Variants in RORA observed in about 807,000 individuals in gnomAD.
RORA encodes the protein RAR related orphan receptor A, also known as nuclear receptor ROR-alpha.
Under a neutral mutation model 69.5 loss-of-function variants are expected in RORA, and 7 were observed. That is an observed-to-expected ratio of 0.10 (90% CI 0.06 to 0.19). The LOEUF (loss-of-function observed/expected upper bound fraction) is 0.19, where lower values mean the gene tolerates loss of function less well. RORA is among the 10% of genes least tolerant of loss of function. The probability of loss-of-function intolerance (pLI) is 1.00; values close to 1 mark genes in which losing one functional copy is unlikely to be tolerated. For missense variants in RORA, 457 were observed against 663.0 expected (o/e 0.69, Z 3.41); for synonymous variants, 261 against 240.8 (o/e 1.08, Z -0.78).
chr15:60,771,683 A>C (rs62002748), intron 1 of RORA, among the ~76,000 whole-genome samples: 57,620 of 152,158 alleles, frequency 0.38, 13,087 homozygotes, highest in Non-Finnish European at 0.5. Flanking sequence ...ACTTCATCAT[A>C]TACCTCATTA....
chr15:60,657,597 C>T (rs534665721), intron 2 of RORA, among the ~76,000 whole-genome samples: 17 of 152,326 alleles, frequency 1.1e-4, no homozygotes, highest in African/African-American at 4.1e-4. Flanking sequence ...TTAGAATCTC[C>T]TCCTTGGGAG....
chr15:61,204,981 T>A (rs1160764057), intron 1 of RORA, among the ~76,000 whole-genome samples: 4 of 152,230 alleles, frequency 2.6e-5, no homozygotes, highest in Admixed American at 2.6e-4. Flanking sequence ...AACTTCAATG[T>A]GCTGGTCGGC....
intron 1 of RORA, among the ~76,000 whole-genome samples, chr15:60,820,798 G>A (rs989626575): frequency 7.2e-5 from 11 of 152,166 alleles, no homozygotes; most frequent in Admixed American, 2.6e-4. Context: ...AGGTTCCCTT[G>A]ACTATATAGT....
intron 1 of RORA, among the ~76,000 whole-genome samples, chr15:60,732,759 G>A (rs1595668569): frequency 6.6e-6 from 1 of 151,756 alleles, no homozygotes; most frequent in Non-Finnish European, 1.5e-5. Context: ...ACCCTGACAC[G>A]TGAACAGTTA....
At chr15:60,894,417 G>A (rs924153708) in intron 1 of RORA, among the ~76,000 whole-genome samples, 5 of 152,184 alleles carry the variant, frequency 3.3e-5, no homozygotes, top group African/African-American at 1.2e-4. Context: ...AAAAAAATTA[G>A]TGAACACAGT....
chr15:61,052,187 C>A (rs754838036), intron 1 of RORA, among the ~76,000 whole-genome samples: 1 of 152,218 alleles, frequency 6.6e-6, no homozygotes, highest in Non-Finnish European at 1.5e-5. Flanking sequence ...TCAGTGTTTT[C>A]ATTTAATAGG....
chr15:60,716,276 A>G (rs568753404), intron 1 of RORA, among the ~76,000 whole-genome samples: 1 of 152,270 alleles, frequency 6.6e-6, no homozygotes, highest in African/African-American at 2.4e-5. Flanking sequence ...AGGATGGTAG[A>G]CTTCTGTGAG....
intron 1 of RORA, among the ~76,000 whole-genome samples, chr15:61,072,996 G>A (rs1254256378): frequency 1.3e-5 from 2 of 152,222 alleles, no homozygotes; most frequent in African/African-American, 4.8e-5. Context: ...GTAGACCTAA[G>A]GTAGTTTTGC....
intron 1 of RORA, among the ~76,000 whole-genome samples, chr15:61,163,769 G>A (rs928966088): frequency 2.0e-5 from 3 of 152,070 alleles, no homozygotes; most frequent in East Asian, 1.9e-4. Flanking sequence ...CACACAGCTC[G>A]CACACAATCA....
chr15:60,642,090 T>A (rs1314677673), intron 2 of RORA, among the ~76,000 whole-genome samples: 1 of 152,196 alleles, frequency 6.6e-6, no homozygotes, highest in Non-Finnish European at 1.5e-5. Context: ...GAGCTCGGGC[T>A]GTGTGAATAG....
chr15:60,659,338 C>A (rs887411152), intron 2 of RORA, among the ~76,000 whole-genome samples: 6 of 152,148 alleles, frequency 3.9e-5, no homozygotes, highest in African/African-American at 1.4e-4. Flanking sequence ...TTGAACAAGA[C>A]ACATTACACT....
chr15:61,126,405 G>T (rs1452313089), intron 1 of RORA, among the ~76,000 whole-genome samples: 1 of 152,090 alleles, frequency 6.6e-6, no homozygotes, highest in Non-Finnish European at 1.5e-5. Flanking sequence ...CAATTTTCAA[G>T]TTTATAATAA....
intron 1 of RORA, among the ~76,000 whole-genome samples, chr15:61,026,401 C>T (rs902005210): frequency 1.3e-5 from 2 of 152,164 alleles, no homozygotes; most frequent in African/African-American, 4.8e-5. Flanking sequence ...AAAATTACAA[C>T]GGTAGCCATT....
intron 1 of RORA, among the ~76,000 whole-genome samples, chr15:60,947,909 T>C (rs1278302314): frequency 6.6e-6 from 1 of 152,076 alleles, no homozygotes; most frequent in Non-Finnish European, 1.5e-5. Flanking sequence ...CAGCTATTTG[T>C]GGGCATCAGA....
chr15:60,635,262 A>G (rs1426343167), intron 2 of RORA, among the ~76,000 whole-genome samples: 1 of 152,224 alleles, frequency 6.6e-6, no homozygotes, highest in East Asian at 1.9e-4. Flanking sequence ...GTGCTGTTTT[A>G]ACTTATTCTT....
chr15:60,838,873 C>T (rs1462468107), intron 1 of RORA, among the ~76,000 whole-genome samples: 1 of 78,114 alleles, frequency 1.3e-5, no homozygotes, highest in Non-Finnish European at 3.3e-5. Flanking sequence ...CACACACACA[C>T]ACACACACAC....
chr15:60,947,112 G>A (rs1012326958), intron 1 of RORA, among the ~76,000 whole-genome samples: 3 of 148,624 alleles, frequency 2.0e-5, no homozygotes, highest in Non-Finnish European at 3.0e-5. Context: ...GAGGGAGGTG[G>A]GGGGGTCAGC....
At position 61,147,766 on chromosome 15, in the gene RORA, CGTGTGTGTGTGTGT is replaced by C. The variant is rs10523030; in HGVS notation, c.166+81273_166+81286del. Among the ~76,000 whole-genome samples the C allele has an allele frequency of 2.7e-5, 4 of 147,702 alleles. No individual in the cohort carries two copies. Among genetic ancestry groups the C allele is most frequent in the Admixed American group, 6.7e-5 (1 of 14,934 alleles). ...TGGTCAGTAGGCACGTGCGCACACG[CGTGTGTGTGTGTGT>C]GTGTGTGTGTGTGTGAAATCTTTAG... On this transcript the variant is annotated intron_variant, in intron 1 of 10. Transcript: ENST00000335670. The surrounding 1 kb of genome is among the most constrained non-coding windows in gnomAD (Gnocchi z 4.1).
At chr15:60,696,428 T>C (rs1475489486) in intron 1 of RORA, among the ~76,000 whole-genome samples, 3 of 152,160 alleles carry the variant, frequency 2.0e-5, no homozygotes, top group Non-Finnish European at 4.4e-5. Flanking sequence ...AAATCCCCTC[T>C]AGCTGCTGGC....
Sources: gnomAD v4.1 joint callset for allele counts (sites outside exome capture counted in the v4.1 genomes callset) on GRCh38, gnomAD v4.1.1 for gene constraint, Gnocchi (gnomAD v3.1) non-coding constraint, MANE v1.5 for transcripts, NCBI Gene and HGNC (gene_info 2026-07-23, HGNC 2026-07-21) for gene names.